CNIH3: variants seen among roughly 807,000 people sequenced by gnomAD.
CNIH3 encodes the protein cornichon family AMPA receptor auxiliary protein 3.
Under a neutral mutation model 24.1 loss-of-function variants are expected in CNIH3, and 14 were observed. The ratio of observed to expected loss-of-function variants is 0.58; its 90% CI spans 0.38 to 0.91. CNIH3 has a LOEUF of 0.91. Among genes scored for constraint, CNIH3 ranks in the 40% least tolerant of loss-of-function variants. CNIH3 has a pLI of 0.00. For missense variants in CNIH3, 178 were observed against 196.8 expected, an observed-to-expected ratio of 0.90 and a Z score of 0.57; for synonymous variants, 68 against 73.8, an observed-to-expected ratio of 0.92 and a Z score of 0.40.
chr1:224,617,917 C>T (rs1234803519), intron 1 of CNIH3, among the ~76,000 whole-genome samples: 1 of 152,164 alleles, frequency 6.6e-6, no homozygotes, highest in Non-Finnish European at 1.5e-5. Context: ...TGTCCTCCAT[C>T]TGCCCTCTTG....
At chr1:224,570,050 C>CTGGGA (rs1329993488) in intron 4 of CNIH3, among the ~76,000 whole-genome samples, 1 of 152,220 alleles carries the variant, frequency 6.6e-6, no homozygotes, top group Non-Finnish European at 1.5e-5. Flanking sequence ...TCACAAAGTG[C>CTGGGA]TGGGATTACA....
intron 1 of CNIH3, among the ~76,000 whole-genome samples, chr1:224,645,567 T>C (rs934193951): frequency 2.6e-5 from 4 of 152,252 alleles, no homozygotes; most frequent in South Asian, 2.1e-4. Flanking sequence ...CTGATGTGCT[T>C]ATTTCCAAAA....
At chr1:224,467,563 A>C (rs909321438) in intron 1 of CNIH3, among the ~76,000 whole-genome samples, 3 of 152,176 alleles carry the variant, frequency 2.0e-5, no homozygotes, top group Non-Finnish European at 4.4e-5. Flanking sequence ...TGCTGGGATT[A>C]CAGGCAGGTG....
chr1:224,720,576 C>T (rs1008413996), intron 3 of CNIH3, among the ~76,000 whole-genome samples: 3 of 152,142 alleles, frequency 2.0e-5, no homozygotes, highest in Admixed American at 1.3e-4. Flanking sequence ...GAGGGCGGAG[C>T]TCTCAGCTGT....
intron 3 of CNIH3, among the ~76,000 whole-genome samples, chr1:224,600,251 G>A (rs1227255982): frequency 6.7e-6 from 1 of 149,370 alleles, no homozygotes; most frequent in African/African-American, 2.5e-5. Context: ...ATGCAATGGT[G>A]TGATCTTGGC....
chr1:224,605,426 G>A (rs936285565), intron 3 of CNIH3, among the ~76,000 whole-genome samples: 1 of 152,158 alleles, frequency 6.6e-6, no homozygotes, highest in African/African-American at 2.4e-5. Flanking sequence ...AGCTAACTTT[G>A]GGAGAAATGT....
At chr1:224,649,111 A>T (rs1418139082) in intron 1 of CNIH3, among the ~76,000 whole-genome samples, 1 of 152,216 alleles carries the variant, frequency 6.6e-6, no homozygotes, top group East Asian at 1.9e-4. Context: ...TTGGAACCTG[A>T]GACTGTTACA....
At chr1:224,459,318 G>A (rs986778326) in intron 1 of CNIH3, 11 of 666,044 alleles carry the variant, frequency 1.7e-5, no homozygotes, top group Admixed American at 6.3e-5. Flanking sequence ...TGTTTATTCC[G>A]GGTCTTTAAC....
intron 1 of CNIH3, among the ~76,000 whole-genome samples, chr1:224,656,882 A>C (rs184525358): frequency 1.3e-5 from 2 of 152,308 alleles, no homozygotes; most frequent in Non-Finnish European, 2.9e-5. Flanking sequence ...ATGGTCTTCC[A>C]TACATTTCGA....
chr1:224,563,321 G>T (rs1680450162), intron 3 of CNIH3, among the ~76,000 whole-genome samples: 1 of 152,132 alleles, frequency 6.6e-6, no homozygotes. Context: ...TTGATTTTTG[G>T]GGGGTTATGG....
rs575188307 is a variant in CNIH3, at chr1:224,501,868, A to ACTACTC, written n.204-13871_204-13870insACTCCT. ...AGTGCTAGGATTACAGGCGTGAGCC[A>ACTACTC]CTGCTTTATACAGAAATTTGTTTGT... On this transcript the variant is annotated intron_variant and non_coding_transcript_variant, in intron 1 of 5. Coordinates refer to the CNIH3 transcript ENST00000471578. Among the ~76,000 whole-genome samples the ACTACTC allele has an allele frequency of 7.6e-3, 1,106 of 145,102 alleles. 17 individuals carry two copies. Among genetic ancestry groups the ACTACTC allele is most frequent in the African/African-American group, 0.03 (1,048 of 34,978 alleles).
At chr1:224,495,112 G>C (rs1474357773) in intron 1 of CNIH3, among the ~76,000 whole-genome samples, 1 of 152,184 alleles carries the variant, frequency 6.6e-6, no homozygotes, top group African/African-American at 2.4e-5. Flanking sequence ...AGTGAGAGTA[G>C]TTCCCGTGGT....
At chr1:224,719,883 A>G (rs975115277) in intron 3 of CNIH3, among the ~76,000 whole-genome samples, 2 of 152,262 alleles carry the variant, frequency 1.3e-5, no homozygotes, top group Non-Finnish European at 2.9e-5. Flanking sequence ...GAGTTGTGGT[A>G]AAGCTTGGCA....
chr1:224,716,001 CA>C (rs1364573287), intron 3 of CNIH3, among the ~76,000 whole-genome samples: 1 of 152,186 alleles, frequency 6.6e-6, no homozygotes, highest in African/African-American at 2.4e-5. Context: ...CTGCTCATTC[CA>C]GTAAATCATT....
chr1:224,679,413 A>G (rs547742008), intron 1 of CNIH3, among the ~76,000 whole-genome samples: 48 of 152,340 alleles, frequency 3.2e-4, no homozygotes, highest in Middle Eastern at 3.4e-3. Context: ...AAAAATGGGT[A>G]GCAGGCTGGA....
intron 1 of CNIH3, among the ~76,000 whole-genome samples, chr1:224,618,408 C>T (rs1683131365): frequency 6.6e-6 from 1 of 152,314 alleles, no homozygotes; most frequent in South Asian, 2.1e-4. Context: ...CACAGACTCT[C>T]ATACAGTGGG....
chr1:224,504,940 A>G (rs148033936), intron 1 of CNIH3, among the ~76,000 whole-genome samples: 2 of 150,454 alleles, frequency 1.3e-5, no homozygotes, highest in African/African-American at 4.9e-5. Context: ...CTGAGTGTTT[A>G]ATATGAACGT....
At chr1:224,647,581 T>C (rs772817979) in intron 1 of CNIH3, among the ~76,000 whole-genome samples, 9 of 152,170 alleles carry the variant, frequency 5.9e-5, no homozygotes, top group South Asian at 2.1e-4. Context: ...CAGATGTTCA[T>C]GATGAGAACC....
intron 3 of CNIH3, among the ~76,000 whole-genome samples, chr1:224,715,214 C>T (rs1688364768): frequency 6.6e-6 from 1 of 152,190 alleles, no homozygotes; most frequent in African/African-American, 2.4e-5. Flanking sequence ...GTCTGGCAGC[C>T]ATGTCTCCAT....
Sources: gnomAD v4.1 joint callset for allele counts (sites outside exome capture counted in the v4.1 genomes callset) on GRCh38, gnomAD v4.1.1 for gene constraint, MANE v1.5 for transcripts, NCBI Gene and HGNC (gene_info 2026-07-23, HGNC 2026-07-21) for gene names.